Variants in BCAS3 observed in about 807,000 individuals in gnomAD.
The protein encoded by BCAS3 is BCAS4/BCAS3 fusion.
BCAS3 carries 53 observed loss-of-function variants against 116.1 expected under a neutral mutation model. The ratio of observed to expected loss-of-function variants is 0.46; its 90% CI spans 0.37 to 0.57. The LOEUF (loss-of-function observed/expected upper bound fraction) is 0.57, where lower values mean the gene tolerates loss of function less well. Among genes scored for constraint, BCAS3 ranks in the 20% least tolerant of loss-of-function variants. The probability of loss-of-function intolerance (pLI) is 0.00; values close to 1 mark genes in which losing one functional copy is unlikely to be tolerated. For synonymous variants in BCAS3, 391 were observed against 408.2 expected (o/e 0.96, Z 0.51); for missense variants, 917 against 1,165.4 (o/e 0.79, Z 3.10).
chr17:60,689,680 A>C lies in BCAS3; in HGVS notation c.139-6A>C, dbSNP rs375041824. 2.0e-5 allele frequency: 31 copies of C among 1,581,190 alleles called. No homozygotes were observed. The Admixed American group carries it at 2.1e-4, about 11-fold the overall frequency. On this transcript the variant is annotated splice_polypyrimidine_tract_variant and splice_region_variant and intron_variant, in intron 3 of 23. Coordinates refer to ENST00000407086, the MANE Select transcript of BCAS3 (RefSeq NM_017679.5). ...GTTTATTCAAATGTTTCTGTTTACT[A>C]TGCAGGCTTACAGTGGAACACCTCT... is the stretch of plus-strand genomic sequence containing the variant.
rs7222786 is a variant in BCAS3 at position 61,244,267 on chromosome 17, T to C, written c.2426-124060T>C. On this transcript the variant is annotated intron_variant, in intron 22 of 23. Coordinates refer to ENST00000407086, the MANE Select transcript of BCAS3 (RefSeq NM_017679.5). This position sits in a 1 kb window ranked among gnomAD's most constrained non-coding sequence, Gnocchi z 4.9. Reference sequence around the variant, plus strand: ...AACATTATGGTATTTATTAAGATTCTTCTATGCATTTGTATACACACATAT... The same window carrying C: ...AACATTATGGTATTTATTAAGATTCCTCTATGCATTTGTATACACACATAT... Among the ~76,000 whole-genome samples the C allele has an allele frequency of 0.61, 92,041 of 152,040 alleles. 30,474 individuals carry two copies. Among genetic ancestry groups the C allele is most frequent in the East Asian group, 0.82 (4,231 of 5,168 alleles).
In BCAS3 at chr17:61,270,979, G is replaced by A. The variant is rs980565603; in HGVS notation, c.2426-97348G>A. Among the ~76,000 whole-genome samples, 11 of 151,548 alleles carry A rather than the reference G, an allele frequency of 7.3e-5. No individual in the cohort carries two copies. The South Asian group carries it at 1.3e-3, about 17-fold the overall frequency. ...TCTCCATGTTGGTCAGCCTGGTCTCGAACTCCTGATCTCGTGATCCGCCTG... is the reference window on the plus strand; with the variant it reads ...TCTCCATGTTGGTCAGCCTGGTCTCAAACTCCTGATCTCGTGATCCGCCTG... On this transcript the variant is annotated intron_variant, in intron 22 of 23. Coordinates refer to ENST00000407086, the MANE Select transcript of BCAS3 (RefSeq NM_017679.5).
intron 22 of BCAS3, among the ~76,000 whole-genome samples, chr17:61,294,155 A>G (rs1251729979): frequency 6.6e-6 from 1 of 152,256 alleles, no homozygotes; most frequent in African/African-American, 2.4e-5. Flanking sequence ...AAGTTATTTT[A>G]AAATACAATA....
intron 22 of BCAS3, among the ~76,000 whole-genome samples, chr17:61,288,937 T>C (rs2052106474): frequency 6.6e-6 from 1 of 152,214 alleles, no homozygotes; most frequent in South Asian, 2.1e-4. Context: ...AACATGCTCA[T>C]AGTATTTATC....
chr17:61,004,563 T>C lies in BCAS3; in HGVS notation c.1487-11188T>C, dbSNP rs1403063962. 6.6e-6 allele frequency among the ~76,000 whole-genome samples: 1 copy of C among 152,078 alleles called. No individual in the cohort carries two copies. The highest frequency in any genetic ancestry group is 1.9e-4 in the East Asian group (1 of 5,176). ...GAACTAGAAATCTGCTAGTTGATAG[T>C]TGTAAACTACAAAAGGACAACAAGA... On this transcript the variant is annotated intron_variant, in intron 15 of 23. Transcript: ENST00000407086. The surrounding 1 kb of genome is among the most constrained non-coding windows in gnomAD (Gnocchi z 4.8).
In BCAS3 at chr17:61,219,087, C is replaced by T. The variant is rs2081966080; in HGVS notation, c.2425+134523C>T. Among the ~76,000 whole-genome samples the T allele has an allele frequency of 1.3e-5, 2 of 152,068 alleles. No homozygotes were observed. Among genetic ancestry groups the T allele is most frequent in the Non-Finnish European group, 2.9e-5 (2 of 68,006 alleles). ...TCTCTAGAATTAGGATTCTGCGCTCCGTAACTAATATTTTTATAGGAAATA... is the reference window on the plus strand; with the variant it reads ...TCTCTAGAATTAGGATTCTGCGCTCTGTAACTAATATTTTTATAGGAAATA... On this transcript the variant is annotated intron_variant, in intron 22 of 23. Transcript: ENST00000407086. The surrounding 1 kb of genome is among the most constrained non-coding windows in gnomAD (Gnocchi z 5.2).
chr17:60,786,236 G>A (rs894473302), intron 6 of BCAS3, among the ~76,000 whole-genome samples: 25 of 152,126 alleles, frequency 1.6e-4, no homozygotes, highest in African/African-American at 2.4e-4. Flanking sequence ...GAGGGAGCCC[G>A]GATAGTTCAG....
Position 61,282,612 on chromosome 17 carries a change from G to C in BCAS3, c.2426-85715G>C, listed in dbSNP as rs1352553922. ...AAGTTGAATGCCCAAGTTATAGAAA[G>C]TTATGTTTGTATTGGTCGTTGTTAA... On this transcript the variant is annotated intron_variant, in intron 22 of 23. Coordinates refer to ENST00000407086, the MANE Select transcript of BCAS3 (RefSeq NM_017679.5). The surrounding 1 kb of genome is among the most constrained non-coding windows in gnomAD (Gnocchi z 5.9). 6.6e-6 allele frequency among the ~76,000 whole-genome samples: 1 copy of C among 152,202 alleles called. No individual in the cohort carries two copies. The highest frequency in any genetic ancestry group is 1.5e-5 in the Non-Finnish European group (1 of 68,036).
chr17:60,900,755 G>C (rs773168806), intron 10 of BCAS3, among the ~76,000 whole-genome samples: 1 of 150,690 alleles, frequency 6.6e-6, no homozygotes, highest in African/African-American at 2.4e-5. Flanking sequence ...TCATTTGATA[G>C]AATTTTGCAC....
At chr17:61,176,156 A>G (rs1016076729) in intron 22 of BCAS3, among the ~76,000 whole-genome samples, 64 of 149,786 alleles carry the variant, frequency 4.3e-4, no homozygotes, top group East Asian at 1.2e-3. Flanking sequence ...AAAAAAAAAA[A>G]AAAAAGAAAA....
At chr17:61,340,266 G>A (rs2057043275) in intron 22 of BCAS3, among the ~76,000 whole-genome samples, 1 of 151,086 alleles carries the variant, frequency 6.6e-6, no homozygotes. Context: ...GAGGGGGTGG[G>A]GGCTGGTGCA....
intron 7 of BCAS3, among the ~76,000 whole-genome samples, chr17:60,844,963 CT>C (rs2144776949): frequency 6.6e-6 from 1 of 152,320 alleles, no homozygotes; most frequent in African/African-American, 2.4e-5. Context: ...GGCACGGTGG[CT>C]TATGCCTATA....
At chr17:60,753,053 A>G (rs2042633953) in intron 6 of BCAS3, among the ~76,000 whole-genome samples, 1 of 152,130 alleles carries the variant, frequency 6.6e-6, no homozygotes, top group African/African-American at 2.4e-5. Flanking sequence ...CATGTTGCCC[A>G]GGCTAGTCTT....
intron 22 of BCAS3, among the ~76,000 whole-genome samples, chr17:61,308,571 C>T (rs527987700): frequency 6.6e-4 from 100 of 151,246 alleles, no homozygotes; most frequent in Non-Finnish European, 1.2e-3. Context: ...CAAAAGGCAG[C>T]GTGATCTATA....
intron 4 of BCAS3, among the ~76,000 whole-genome samples, chr17:60,708,690 G>T (rs1037128604): frequency 2.0e-4 from 30 of 152,118 alleles, no homozygotes; most frequent in African/African-American, 6.7e-4. Flanking sequence ...CACCACACCC[G>T]ACTAATTTTT....
chr17:60,840,977 A>G (rs764596547), intron 7 of BCAS3, among the ~76,000 whole-genome samples: 11 of 152,190 alleles, frequency 7.2e-5, no homozygotes, highest in Admixed American at 5.2e-4. Context: ...TTAGTGTGTT[A>G]CAGAACTTGA....
rs910442965 is a variant in BCAS3, at chr17:61,333,176, G to A, written c.2426-35151G>A. Among the ~76,000 whole-genome samples the A allele has an allele frequency of 2.6e-5, 4 of 152,140 alleles. No individual in the cohort carries two copies. Among genetic ancestry groups the A allele is most frequent in the African/African-American group, 9.7e-5 (4 of 41,406 alleles). On this transcript the variant is annotated intron_variant, in intron 22 of 23. Transcript: ENST00000407086. This position sits in a 1 kb window ranked among gnomAD's most constrained non-coding sequence, Gnocchi z 4.8. ...GGCAGGTGGGTCAGAGAGGACACCT[G>A]TGTGATCAGAGAAACAAAGTCTGGT...
Position 61,285,231 on chromosome 17 carries a change from T to TTGTGTGTGTGTGTGTGTGTGTGTGTGTG in BCAS3, c.2426-83069_2426-83068insGTGTGTGTGTGTGTGTGTGTGTGTGTGT, listed in dbSNP as rs371178241. On this transcript the variant is annotated intron_variant, in intron 22 of 23. Transcript: ENST00000407086. This position sits in a 1 kb window ranked among gnomAD's most constrained non-coding sequence, Gnocchi z 5.4. ...GTTTTGCTTTTCCCCTCCTCCTAGGTTGTGTGTGTGTGTGTGTGTGTGTGT... is the reference window on the plus strand; with the variant it reads ...GTTTTGCTTTTCCCCTCCTCCTAGGTTGTGTGTGTGTGTGTGTGTGTGTGTGTGTGTGTGTGTGTGTGTGTGTGTGTGT... 5.1e-4 allele frequency among the ~76,000 whole-genome samples: 72 copies of TTGTGTGTGTGTGTGTGTGTGTGTGTGTG among 140,084 alleles called. No homozygotes were observed. The highest frequency in any genetic ancestry group is 2.2e-3 in the African/African-American group (71 of 32,942). 91.9% of individuals were successfully genotyped at this position (140,084 alleles called of 152,430 possible).
In BCAS3 at chr17:61,233,057, C is replaced by T. The variant is rs73991575; in HGVS notation, c.2426-135270C>T. On this transcript the variant is annotated intron_variant, in intron 22 of 23. Coordinates refer to ENST00000407086, the MANE Select transcript of BCAS3 (RefSeq NM_017679.5). This position sits in a 1 kb window ranked among gnomAD's most constrained non-coding sequence, Gnocchi z 4.3. ...TTTGCAGTGATCTGTAGCTAGACTG[C>T]GCTCTCTTGGGACTAACCTGTGTGA... Among the ~76,000 whole-genome samples the T allele has an allele frequency of 0.018, 2,702 of 152,282 alleles. 69 individuals are homozygous for T. Among genetic ancestry groups the T allele is most frequent in the African/African-American group, 0.062 (2,558 of 41,542 alleles).
Sources: allele counts gnomAD v4.1 joint callset (sites outside exome capture counted in the v4.1 genomes callset), GRCh38; gene constraint gnomAD v4.1.1; non-coding constraint Gnocchi (gnomAD v3.1); transcripts MANE v1.5; gene names NCBI Gene and HGNC (gene_info 2026-07-23, HGNC 2026-07-21).